The following LYST variants were observed in gnomAD, a reference collection of about 807,000 sequenced individuals.
LYST encodes the protein lysosomal trafficking regulator.
Under a neutral mutation model 413.6 loss-of-function variants are expected in LYST, and 192 were observed. The observed-to-expected ratio is 0.46, with a 90% CI of 0.41 to 0.52. The LOEUF (loss-of-function observed/expected upper bound fraction) is 0.52, where lower values mean the gene tolerates loss of function less well. Among genes scored for constraint, LYST ranks in the 20% least tolerant of loss-of-function variants. LYST has a pLI of 0.00. For missense variants in LYST, 3,815 were observed against 4,499.9 expected (o/e 0.85, Z 4.35); for synonymous variants, 1,525 against 1,567.3 (o/e 0.97, Z 0.64).
At chr1:235,828,727 A>T in intron 3 of LYST, 3 of 902,986 alleles carry the variant, frequency 3.3e-6, no homozygotes, top group Non-Finnish European at 4.0e-6. Flanking sequence ...GAATTTTTTT[A>T]TTGTGGGGAA....
At chr1:235,679,175 A>G (rs1558108220) in intron 48 of LYST, among the ~76,000 whole-genome samples, 1 of 152,214 alleles carries the variant, frequency 6.6e-6, no homozygotes, top group Non-Finnish European at 1.5e-5. Context: ...CAGCGACCAG[A>G]TCAGCTTTTA....
At chr1:235,709,470 C>T (rs1270532690) in intron 43 of LYST, among the ~76,000 whole-genome samples, 162 bp from the exon 44 acceptor site, 1 of 139,870 alleles carries the variant, frequency 7.1e-6, no homozygotes, top group Non-Finnish European at 1.5e-5. Flanking sequence ...CACCACTGCT[C>T]ATCTACTTAT....
At chr1:235,787,590 C>T (rs1023226860) in intron 13 of LYST, among the ~76,000 whole-genome samples, 6 of 152,012 alleles carry the variant, frequency 3.9e-5, no homozygotes, top group African/African-American at 1.4e-4. Context: ...AGATTAGGCT[C>T]ATTGGCTGGT....
chr1:235,820,140 A>T lies in LYST; in HGVS notation c.193-7079T>A, dbSNP rs1369527026. Among the ~76,000 whole-genome samples the T allele has an allele frequency of 2.0e-5, 3 of 152,222 alleles. No homozygotes were observed. The East Asian group carries it at 5.8e-4, about 29-fold the overall frequency. ...TAACTATTGTTTAGACTGGGTTTTA[A>T]ACTAATTGCCTAACCTAGCCATTCA... On this transcript the variant is annotated intron_variant, in intron 3 of 52. Coordinates refer to ENST00000389793, the MANE Select transcript of LYST (RefSeq NM_000081.4).
intron 12 of LYST, among the ~76,000 whole-genome samples, chr1:235,790,163 C>A (rs949333362): frequency 2.6e-5 from 4 of 152,088 alleles, no homozygotes; most frequent in Non-Finnish European, 5.9e-5. Flanking sequence ...TTTCTCAGGT[C>A]ACTATGTATA....
At chr1:235,678,954 T>C (rs1659598159) in intron 48 of LYST, among the ~76,000 whole-genome samples, 1 of 152,220 alleles carries the variant, frequency 6.6e-6, no homozygotes, top group Non-Finnish European at 1.5e-5. Context: ...TTGAAATATA[T>C]CTGTGTTGAT....
At chr1:235,774,083 T>C (rs1388934031) in intron 18 of LYST, 92 bp from the exon 19 acceptor site, 11 of 871,724 alleles carry the variant, frequency 1.3e-5, no homozygotes, top group Non-Finnish European at 3.8e-6. Context: ...TTAGCAATCA[T>C]TAAATTCAAA....
At chr1:235,677,276 C>CAATAGGTACATAGA in intron 49 of LYST, 88 bp from the exon 50 acceptor site, 12 of 1,157,410 alleles carry the variant, frequency 1.0e-5, no homozygotes, top group Non-Finnish European at 1.5e-5. Flanking sequence ...AGTCTATGTA[C>CAATAGGTACATAGA]CTATTGTACA....
intron 1 of LYST, among the ~76,000 whole-genome samples, chr1:235,838,163 C>A (rs1676774884): frequency 6.6e-6 from 1 of 152,184 alleles, no homozygotes; most frequent in Middle Eastern, 3.4e-3. Context: ...CAATAAACAG[C>A]AAGACTGCCA....
chr1:235,862,919 T>C lies in LYST; in HGVS notation c.-98+3924A>G, dbSNP rs1036444506. ...TCGGCTCATGAGAACACTTGTTCTA[T>C]TTTATAAAATGAGGTGTTGCCTGAT... On this transcript the variant is annotated intron_variant, in intron 1 of 52. Transcript: ENST00000389793. Among the ~76,000 whole-genome samples the C allele has an allele frequency of 4.6e-5, 7 of 152,198 alleles. No individual in the cohort carries two copies. In the East Asian group the frequency reaches 1.3e-3, roughly 29 times the overall value.
At chr1:235,779,449 C>A (rs990978457) in intron 16 of LYST, among the ~76,000 whole-genome samples, 13 of 152,284 alleles carry the variant, frequency 8.5e-5, no homozygotes, top group African/African-American at 2.9e-4. Context: ...TCCTCAGTCT[C>A]CCTAAGGCAG....
chr1:235,777,057 T>C lies in LYST; in HGVS notation c.5460+6A>G. On this transcript the variant is annotated splice_donor_region_variant and intron_variant, in intron 17 of 52. Transcript: ENST00000389793. ...TTTAGACAAAACTATAAGCAGTGAT[T>C]CTTACCCTGGCAAAGAGAAAAACAA... 2 of 1,612,832 alleles carry C rather than the reference T, an allele frequency of 1.2e-6. No individual in the cohort carries two copies. Among genetic ancestry groups the C allele is most frequent in the Non-Finnish European group, 1.7e-6 (2 of 1,179,114 alleles).
chr1:235,799,014 C>T (rs997723590), intron 10 of LYST, among the ~76,000 whole-genome samples: 1 of 152,056 alleles, frequency 6.6e-6, no homozygotes, highest in Admixed American at 6.6e-5. Flanking sequence ...AATTATATCC[C>T]AATAAACCTG....
intron 5 of LYST, among the ~76,000 whole-genome samples, chr1:235,808,012 G>A (rs1396117422): frequency 3.3e-5 from 5 of 151,998 alleles, no homozygotes; most frequent in African/African-American, 7.3e-5. Flanking sequence ...ATTCCAATAT[G>A]ATCTTTGTAA....
At chr1:235,694,011 C>CTTTTT (rs11389709) in intron 46 of LYST, among the ~76,000 whole-genome samples, 10 of 135,616 alleles carry the variant, frequency 7.4e-5, no homozygotes, top group Non-Finnish European at 1.3e-4. Flanking sequence ...TCTTCTTCTT[C>CTTTTT]TTTTTTTTTT....
intron 19 of LYST, among the ~76,000 whole-genome samples, chr1:235,772,292 T>C (rs752356012): frequency 5.3e-5 from 8 of 152,160 alleles, no homozygotes; most frequent in Non-Finnish European, 1.2e-4. Flanking sequence ...TTTTAGGGAC[T>C]GTTGGCAAGT....
intron 3 of LYST, among the ~76,000 whole-genome samples, chr1:235,821,213 G>C (rs1439549079): frequency 6.6e-6 from 1 of 152,192 alleles, no homozygotes; most frequent in Non-Finnish European, 1.5e-5. Flanking sequence ...CAAGGGGGGT[G>C]GTTGCTTGAG....
Position 235,776,689 on chromosome 1 carries a change from G to GT in LYST, c.5460+373dup, listed in dbSNP as rs1280485847. Among the ~76,000 whole-genome samples the GT allele has an allele frequency of 8.4e-3, 1,209 of 143,574 alleles. 13 individuals are homozygous for GT. Among genetic ancestry groups the GT allele is most frequent in the East Asian group, 0.049 (243 of 4,962 alleles). 94.2% of individuals were successfully genotyped at this position (143,574 alleles called of 152,430 possible). A position where few individuals can be genotyped will look rare whatever the true frequency, so the allele number is the denominator to read the frequency against. ...AAACTCCAAACCCAAACAAATTAAA[G>GT]TTTTTTTTTTTTTAAAGTATTTTTT... On this transcript the variant is annotated intron_variant, in intron 17 of 52. Transcript: ENST00000389793.
upstream of LYST, among the ~76,000 whole-genome samples, chr1:235,868,025 C>G (rs1041277221): frequency 1.3e-5 from 2 of 152,300 alleles, no homozygotes. Context: ...TTAAGTTGCC[C>G]ACTGATGTGG....
Sources: allele counts gnomAD v4.1 joint callset (sites outside exome capture counted in the v4.1 genomes callset), GRCh38; gene constraint gnomAD v4.1.1; transcripts MANE v1.5; gene names NCBI Gene and HGNC (gene_info 2026-07-23, HGNC 2026-07-21).